Variants in DNAH10 observed in about 807,000 individuals in gnomAD.
DNAH10 encodes the protein axonemal beta dynein heavy chain 10.
Under a neutral mutation model 506.6 loss-of-function variants are expected in DNAH10, and 348 were observed. The observed-to-expected ratio is 0.69, with a 90% CI of 0.63 to 0.75. DNAH10 has a LOEUF of 0.75. Ranked by LOEUF, DNAH10 falls within the 30% of genes least tolerant of loss-of-function variation. DNAH10 has a pLI of 0.00. For missense variants in DNAH10, 5,179 were observed against 5,787.1 expected (o/e 0.89, Z 3.41); for synonymous variants, 2,059 against 2,198.6 (o/e 0.94, Z 1.78).
Position 123,903,896 on chromosome 12 carries a change from AAGG to A in DNAH10, c.9815+786_9815+788del. Among the ~76,000 whole-genome samples the A allele has an allele frequency of 6.6e-6, 1 of 152,106 alleles. No homozygotes were observed. Among genetic ancestry groups the A allele is most frequent in the Non-Finnish European group, 1.5e-5 (1 of 67,994 alleles). ...CTCTCCTTCCCCACTCTTCATCCAG[AAGG>A]AGATCAGTCTTCCTGGCCCCACACA... On this transcript the variant is annotated intron_variant, in intron 57 of 78. Transcript: ENST00000673944. This position sits in a 1 kb window ranked among gnomAD's most constrained non-coding sequence, Gnocchi z 4.6.
intron 2 of DNAH10, among the ~76,000 whole-genome samples, chr12:123,769,922 G>GTT (rs373397275): frequency 0.13 from 18,703 of 139,898 alleles, 2,313 homozygotes; most frequent in African/African-American, 0.31. Context: ...CCTGGCTAAG[G>GTT]TTTTTTTTTT....
At position 123,848,736 on chromosome 12, in the gene DNAH10, G is replaced by C; in HGVS notation, c.5956G>C (p.Gly1986Arg). 1 of 1,613,948 alleles carries C rather than the reference G, an allele frequency of 6.2e-7. No individual in the cohort carries two copies. Among genetic ancestry groups the C allele is most frequent in the Non-Finnish European group, 8.5e-7 (1 of 1,179,862 alleles). ...CGEGMDYRAV[G>R]KIFSGLAQCG... Reference sequence around the variant, plus strand: ...GACATGTCTTTCTTCCTAGGCCGTGGGGAAGATTTTCTCTGGCCTGGCACA... The same window carrying C: ...GACATGTCTTTCTTCCTAGGCCGTGCGGAAGATTTTCTCTGGCCTGGCACA... The change falls in exon 34 of 79, where the codon GGG becomes CGG. Residue 1986 changes from glycine (G) to arginine (R), a missense_variant. By Grantham distance (125) the Gly-to-Arg change is moderately radical. Around this residue, in one of 3 missense-constraint regions of DNAH10, gnomAD observed 4,844 missense variants for 5,430.5 expected, o/e 0.89. Transcript: ENST00000673944.
At position 123,919,154 on chromosome 12, in the gene DNAH10, C is replaced by T. The variant is rs1954621473; in HGVS notation, c.11506+205C>T. On this transcript the variant is annotated intron_variant, in intron 65 of 78. Transcript: ENST00000673944. The surrounding 1 kb of genome is among the most constrained non-coding windows in gnomAD (Gnocchi z 4.9). ...GCAGTGGTGCGATCACGGCTCACTG[C>T]AACCTCCACCTCCCAGGCTCAGGTG... is the stretch of plus-strand genomic sequence containing the variant. 1.8e-6 allele frequency: 1 copy of T among 570,610 alleles called. No individual in the cohort carries two copies. The highest frequency in any genetic ancestry group is 3.4e-5 in the Admixed American group (1 of 29,156). The allele number at this position is 570,610 out of a possible 1,614,324, so 35.3% of individuals were successfully genotyped here. A position where few individuals can be genotyped will look rare whatever the true frequency, so the allele number is the denominator to read the frequency against.
chr12:123,836,860 T>C (rs1473792693), intron 28 of DNAH10, among the ~76,000 whole-genome samples: 5 of 147,714 alleles, frequency 3.4e-5, no homozygotes, highest in Admixed American at 2.0e-4. Context: ...CTCTCTCTCT[T>C]TTTTTTTTTT....
At position 123,881,637 on chromosome 12, in the gene DNAH10, G is replaced by C. The variant is rs2137068098; in HGVS notation, c.8647G>C (p.Glu2883Gln). 1 of 1,523,666 alleles carries C rather than the reference G, an allele frequency of 6.6e-7. No individual in the cohort carries two copies. The highest frequency in any genetic ancestry group is 2.4e-5 in the Admixed American group (1 of 42,546). 94.4% of individuals were successfully genotyped at this position (1,523,666 alleles called of 1,614,324 possible). Reference protein sequence around the residue: ...AKALFQEILEEYNESNTKMNL... With the variant: ...AKALFQEILEQYNESNTKMNL... The stretch of plus-strand genomic sequence containing the variant: ...TTTTTAAATGCAGGAAATTCTTGAA[G>C]AGTATAATGAAAGCAACACCAAAAT... The change falls in exon 51 of 79, where the codon GAG becomes CAG. Residue 2883 changes from glutamate (E) to glutamine (Q), a missense_variant. Coordinates refer to ENST00000673944, the MANE Select transcript of DNAH10 (RefSeq NM_001372106.1).
At position 123,903,095 on chromosome 12, in the gene DNAH10, C is replaced by G. The variant is rs372540932; in HGVS notation, c.9797C>G (p.Ser3266Trp). 1.2e-6 allele frequency: 2 copies of G among 1,610,860 alleles called. No individual in the cohort carries two copies. The highest frequency in any genetic ancestry group is 1.7e-6 in the Non-Finnish European group (2 of 1,178,658). The change falls in exon 57 of 79, where the codon TCG becomes TGG. Residue 3266 changes from serine to tryptophan, a missense_variant. Physicochemically the swap from Ser to Trp is radical, Grantham distance 177 (BLOSUM62 -3). This residue lies in a region of DNAH10 where 4,844 missense variants were observed against 5,430.5 expected (regional missense o/e 0.89). Coordinates refer to ENST00000673944, the MANE Select transcript of DNAH10 (RefSeq NM_001372106.1). This position sits in a 1 kb window ranked among gnomAD's most constrained non-coding sequence, Gnocchi z 4.6. ...CTGGAACTGCAGAAGCTGGACAAGT[C>G]GGACGTGACTGAGATTAGGTAATGC... ...AKLELQKLDKSDVTEIRSFAK... is the reference protein window; with the variant it reads ...AKLELQKLDKWDVTEIRSFAK...
chr12:123,810,751 T>C (rs952015395), intron 19 of DNAH10, among the ~76,000 whole-genome samples: 4 of 152,226 alleles, frequency 2.6e-5, no homozygotes, highest in Non-Finnish European at 2.9e-5. Flanking sequence ...AAGACAGTTA[T>C]TTATTAAGTC....
chr12:123,909,279 G>C lies in DNAH10; in HGVS notation c.9834G>C (p.Pro3278=). 1 of 1,613,320 alleles carries C rather than the reference G, an allele frequency of 6.2e-7. No individual in the cohort carries two copies. The highest frequency in any genetic ancestry group is 8.5e-7 in the Non-Finnish European group (1 of 1,179,716). The change falls in exon 58 of 79, where the codon CCG becomes CCC. Residue 3278 remains proline (P), a synonymous_variant. Coordinates refer to ENST00000673944, the MANE Select transcript of DNAH10 (RefSeq NM_001372106.1). This position sits in a 1 kb window ranked among gnomAD's most constrained non-coding sequence, Gnocchi z 5.4. ...VTEIRSFAKP[P]KQVQTVCECI... Reference sequence around the variant, plus strand: ...TTGCCAGGTCGTTTGCTAAGCCCCCGAAGCAGGTGCAGACGGTCTGCGAAT... The same window carrying C: ...TTGCCAGGTCGTTTGCTAAGCCCCCCAAGCAGGTGCAGACGGTCTGCGAAT...
rs61587964 is a variant in DNAH10, at chr12:123,903,039, A to G, written c.9741A>G (p.Ala3247=). The G allele has an allele frequency of 0.25, 397,885 of 1,606,932 alleles. 53,179 individuals carry two copies. Among genetic ancestry groups the G allele is most frequent in the African/African-American group, 0.56 (41,476 of 74,622 alleles). ...AGGCCGAGGCCGAGACGACCCTGGC[A>G]GAGGTCATGCCCATCCTGGAGGCCG... ...MEKAEAETTL[A]EVMPILEAAK... Residue 3247 remains alanine, a synonymous_variant, in exon 57 of 79, where the codon GCA becomes GCG. Coordinates refer to ENST00000673944, the MANE Select transcript of DNAH10 (RefSeq NM_001372106.1). This position sits in a 1 kb window ranked among gnomAD's most constrained non-coding sequence, Gnocchi z 4.6.
intron 62 of DNAH10, among the ~76,000 whole-genome samples, 169 bp downstream of exon 62, chr12:123,915,168 C>G (rs926634715): frequency 6.6e-6 from 1 of 152,152 alleles, no homozygotes; most frequent in African/African-American, 2.4e-5. Context: ...CCGCCTCCAC[C>G]CCGTGGGTCT....
chr12:123,833,226 A>C lies in DNAH10; in HGVS notation c.4658A>C (p.Gln1553Pro). ...CTGGGTTCTGTTGACGAAATTATTC[A>C]GTCTCTTGATGACAACACTTTCAAC... ...YILGSVDEII[Q>P]SLDDNTFNLQ... Residue 1553 changes from glutamine to proline, a missense_variant, in exon 27 of 79, where the codon CAG becomes CCG. By Grantham distance (76) the Gln-to-Pro change is moderately conservative. Around this residue, in one of 3 missense-constraint regions of DNAH10, gnomAD observed 4,844 missense variants for 5,430.5 expected, o/e 0.89. Transcript: ENST00000673944. The C allele has an allele frequency of 6.2e-7, 1 of 1,613,898 alleles. No homozygotes were observed. Among genetic ancestry groups the C allele is most frequent in the African/African-American group, 1.3e-5 (1 of 75,064 alleles).
intron 34 of DNAH10, among the ~76,000 whole-genome samples, chr12:123,849,625 C>T (rs1703689399): frequency 6.6e-6 from 1 of 152,188 alleles, no homozygotes; most frequent in Non-Finnish European, 1.5e-5. Context: ...TGTCACTAAG[C>T]CACTTGCTCC....
At chr12:123,930,328 T>A in intron 72 of DNAH10, 74 bp from the exon 73 acceptor site, 1 of 1,393,444 alleles carries the variant, frequency 7.2e-7, no homozygotes, top group Non-Finnish European at 9.4e-7. Flanking sequence ...TGGGTGAGCC[T>A]CTGGCCCCGG....
At chr12:123,835,751 A>G (rs1353394212) in intron 28 of DNAH10, among the ~76,000 whole-genome samples, 1 of 152,282 alleles carries the variant, frequency 6.6e-6, no homozygotes, top group South Asian at 2.1e-4. Context: ...CAGCCTCCCA[A>G]GCAGCTGGGA....
Position 123,787,870 on chromosome 12 carries a change from G to C in DNAH10, c.1488G>C (p.Lys496Asn), listed in dbSNP as rs746846748. 6.2e-7 allele frequency: 1 copy of C among 1,613,902 alleles called. No individual in the cohort carries two copies. The highest frequency in any genetic ancestry group is 1.3e-5 in the African/African-American group (1 of 74,938). The change falls in exon 10 of 79, where the codon AAG becomes AAC. Residue 496 changes from lysine (K) to asparagine (N), a missense_variant. This residue lies in a region of DNAH10 where 4,844 missense variants were observed against 5,430.5 expected (regional missense o/e 0.89). Transcript: ENST00000673944. This position sits in a 1 kb window ranked among gnomAD's most constrained non-coding sequence, Gnocchi z 4.6. ...EARNTLRLWK[K>N]AYFDTRAKIE... ...GGAACACCCTCAGGCTGTGGAAAAA[G>C]GCCTATTTTGACACCCGGGCCAAGA...
rs190094672 is a variant in DNAH10, at chr12:123,913,263, C to T, written c.10300C>T (p.Arg3434Trp). Residue 3434 changes from arginine (R) to tryptophan (W), a missense_variant, in exon 60 of 79, where the codon CGG (arginine) becomes TGG (tryptophan). This residue lies in a region of DNAH10 where 4,844 missense variants were observed against 5,430.5 expected (regional missense o/e 0.89). Transcript: ENST00000673944. This position sits in a 1 kb window ranked among gnomAD's most constrained non-coding sequence, Gnocchi z 5.1. Reference sequence around the variant, plus strand: ...GGAAGAAGCCGAGATCATGGAGAGGCGGCTGATTGCCGCAGACAAACTCAT... The same window carrying T: ...GGAAGAAGCCGAGATCATGGAGAGGTGGCTGATTGCCGCAGACAAACTCAT... ...LQEEAEIMER[R>W]LIAADKLISG... The T allele has an allele frequency of 5.7e-5, 91 of 1,607,754 alleles. No individual in the cohort carries two copies. In the African/African-American group the frequency reaches 8.0e-4, roughly 14 times the overall value.
intron 39 of DNAH10, among the ~76,000 whole-genome samples, chr12:123,863,511 C>T (rs761383669): frequency 1.3e-5 from 2 of 152,340 alleles, no homozygotes; most frequent in Admixed American, 1.3e-4. Context: ...CAGGACTGCA[C>T]TCCCTCCGAA....
chr12:123,916,399 A>G lies in DNAH10; in HGVS notation c.10723-58A>G. On this transcript the variant is annotated intron_variant, in intron 62 of 78. Transcript: ENST00000673944. The surrounding 1 kb of genome is among the most constrained non-coding windows in gnomAD (Gnocchi z 4.6). ...CACTTCCAAGCCATTCTCCCCTTAT[A>G]TTTGGCAGGGCCACAGTTAAACGTG... 6.4e-7 allele frequency: 1 copy of G among 1,552,464 alleles called. No individual in the cohort carries two copies. Among genetic ancestry groups the G allele is most frequent in the Non-Finnish European group, 8.7e-7 (1 of 1,152,560 alleles).
chr12:123,794,479 G>C (rs1958201418), intron 12 of DNAH10, among the ~76,000 whole-genome samples: 1 of 152,194 alleles, frequency 6.6e-6, no homozygotes, highest in South Asian at 2.1e-4. Flanking sequence ...TAGGCACAGA[G>C]ATAGAGAGAT....
Sources: allele counts gnomAD v4.1 joint callset (sites outside exome capture counted in the v4.1 genomes callset), GRCh38; gene constraint gnomAD v4.1.1; regional missense constraint gnomAD v4.1.1; non-coding constraint Gnocchi (gnomAD v3.1); transcripts MANE v1.5; gene names NCBI Gene and HGNC (gene_info 2026-07-23, HGNC 2026-07-21).